CACNA2D3: variants seen among roughly 807,000 people sequenced by gnomAD.
CACNA2D3 encodes calcium voltage-gated channel auxiliary subunit alpha2delta 3.
Under a neutral mutation model 160.6 loss-of-function variants are expected in CACNA2D3, and 60 were observed. That is an observed-to-expected ratio of 0.37 (90% confidence interval 0.30 to 0.46). CACNA2D3 has a LOEUF of 0.46. Ranked by LOEUF, CACNA2D3 falls within the 20% of genes least tolerant of loss-of-function variation. CACNA2D3 has a pLI of 1.00. For missense variants in CACNA2D3, 1,205 were observed against 1,365.0 expected, an observed-to-expected ratio of 0.88 and a Z score of 1.85; for synonymous variants, 558 against 492.9, an observed-to-expected ratio of 1.13 and a Z score of -1.75.
chr3:54,557,458 A>C (rs981107068), intron 5 of CACNA2D3, among the ~76,000 whole-genome samples: 2 of 152,234 alleles, frequency 1.3e-5, no homozygotes, highest in Non-Finnish European at 2.9e-5. Context: ...TTAAGAAAAA[A>C]GAATTGTCAA....
intron 10 of CACNA2D3, among the ~76,000 whole-genome samples, chr3:54,628,428 T>C (rs1273563741): frequency 6.6e-6 from 1 of 152,016 alleles, no homozygotes; most frequent in Non-Finnish European, 1.5e-5. Context: ...AGGAGCCAAA[T>C]TGAGTAGCGT....
chr3:55,074,504 T>C lies in CACNA2D3; in HGVS notation c.*298T>C. On this transcript the variant is annotated 3_prime_UTR_variant, in exon 38 of 38. Transcript: ENST00000474759. ...CAGTGTCCCTTCTGCTTGAAACCTA[T>C]TGAAACCAATTTAAAACTGTGTACT... 3.0e-6 allele frequency: 1 copy of C among 333,476 alleles called. No homozygotes were observed. The highest frequency in any genetic ancestry group is 5.5e-6 in the Non-Finnish European group (1 of 181,002). 20.7% of individuals were successfully genotyped at this position (333,476 alleles called of 1,614,324 possible). A position where few individuals can be genotyped will look rare whatever the true frequency, so the allele number is the denominator to read the frequency against.
chr3:55,038,733 C>A (rs1170396903), intron 35 of CACNA2D3, among the ~76,000 whole-genome samples: 1 of 151,704 alleles, frequency 6.6e-6, no homozygotes, highest in Non-Finnish European at 1.5e-5. Context: ...TAAAACCCAC[C>A]TTGAGAGGCA....
At chr3:54,599,742 G>A (rs1311462424) in intron 9 of CACNA2D3, among the ~76,000 whole-genome samples, 1 of 152,182 alleles carries the variant, frequency 6.6e-6, no homozygotes, top group Non-Finnish European at 1.5e-5. Context: ...GGATTAAACT[G>A]TTGCTTTTGC....
chr3:54,822,090 A>G (rs1424481016), intron 14 of CACNA2D3, among the ~76,000 whole-genome samples: 1 of 152,176 alleles, frequency 6.6e-6, no homozygotes, highest in African/African-American at 2.4e-5. Context: ...TTTGCTTTGC[A>G]TGTAAACTAT....
At chr3:54,196,779 G>A (rs1169068144) in intron 2 of CACNA2D3, among the ~76,000 whole-genome samples, 1 of 152,166 alleles carries the variant, frequency 6.6e-6, no homozygotes. Context: ...TTGCACATGG[G>A]CTCAAGGGGC....
intron 9 of CACNA2D3, among the ~76,000 whole-genome samples, chr3:54,597,428 T>A (rs997722203): frequency 6.6e-6 from 1 of 152,144 alleles, no homozygotes; most frequent in Non-Finnish European, 1.5e-5. Flanking sequence ...CTCTCCCACC[T>A]TCACCCCTGA....
intron 17 of CACNA2D3, among the ~76,000 whole-genome samples, chr3:54,861,011 G>A (rs143261288): frequency 9.2e-5 from 14 of 152,250 alleles, no homozygotes; most frequent in African/African-American, 9.6e-5. Flanking sequence ...CCACTCATTC[G>A]TCACATATTC....
intron 5 of CACNA2D3, among the ~76,000 whole-genome samples, chr3:54,542,348 C>A (rs531267283): frequency 2.1e-4 from 32 of 152,220 alleles, no homozygotes; most frequent in Non-Finnish European, 3.2e-4. Context: ...GTGTGAGCCA[C>A]CACACCCAGC....
At chr3:54,391,558 C>T (rs1038635691) in intron 4 of CACNA2D3, among the ~76,000 whole-genome samples, 3 of 151,260 alleles carry the variant, frequency 2.0e-5, no homozygotes, top group Non-Finnish European at 1.5e-5. Context: ...TCACCCAGAC[C>T]GGAGTGCAGT....
chr3:54,445,555 T>TACACACAC (rs3028897), intron 4 of CACNA2D3, among the ~76,000 whole-genome samples: 27,985 of 146,996 alleles, frequency 0.19, 2,746 homozygotes, highest in East Asian at 0.31. Context: ...TTTCTATGTA[T>TACACACAC]ACACACACAC....
intron 4 of CACNA2D3, among the ~76,000 whole-genome samples, chr3:54,484,036 G>A (rs1423631095): frequency 6.6e-6 from 1 of 152,164 alleles, no homozygotes; most frequent in African/African-American, 2.4e-5. Flanking sequence ...CCTTCAGATG[G>A]TTATGTAATC....
At position 54,428,251 on chromosome 3, in the gene CACNA2D3, G is replaced by A. The variant is rs116170643; in HGVS notation, c.381+41477G>A. On this transcript the variant is annotated intron_variant, in intron 4 of 37. Coordinates refer to ENST00000474759, the MANE Select transcript of CACNA2D3 (RefSeq NM_018398.3). ...ACAGTTAGACTTTCTCAGGTTCTTC[G>A]TAAGCGTGAAACTTGCCAGGTTGAC... is the stretch of plus-strand genomic sequence containing the variant. Among the ~76,000 whole-genome samples, 1,255 of 152,284 alleles carry A rather than the reference G, an allele frequency of 8.2e-3. 10 individuals are homozygous for A. The highest frequency in any genetic ancestry group is 0.037 in the Middle Eastern group (11 of 294).
chr3:54,155,812 C>T (rs1053226039), intron 2 of CACNA2D3, among the ~76,000 whole-genome samples: 2 of 152,280 alleles, frequency 1.3e-5, no homozygotes. Flanking sequence ...GAAGGTCATT[C>T]AGGAGCAGGG....
intron 14 of CACNA2D3, among the ~76,000 whole-genome samples, chr3:54,821,346 G>A (rs1187896754): frequency 1.3e-5 from 2 of 152,160 alleles, no homozygotes; most frequent in Non-Finnish European, 2.9e-5. Context: ...TTTGTTTCCT[G>A]TTAGGAACAG....
chr3:54,162,250 A>G (rs1023152845), intron 2 of CACNA2D3, among the ~76,000 whole-genome samples: 1 of 152,182 alleles, frequency 6.6e-6, no homozygotes, highest in Non-Finnish European at 1.5e-5. Flanking sequence ...TGGTGTGCTC[A>G]TGGATTCTGG....
chr3:54,732,295 C>G (rs912337483), intron 11 of CACNA2D3, among the ~76,000 whole-genome samples: 12 of 152,240 alleles, frequency 7.9e-5, no homozygotes, highest in Non-Finnish European at 1.3e-4. Context: ...CAGGCTACAA[C>G]TTGTGATCCT....
intron 11 of CACNA2D3, among the ~76,000 whole-genome samples, chr3:54,729,998 CAAAA>C (rs56364535): frequency 0.4 from 43,710 of 108,310 alleles, 7,516 homozygotes; most frequent in East Asian, 0.49. Context: ...GACTCCATCT[CAAAA>C]AAAAAAAAAA....
intron 5 of CACNA2D3, among the ~76,000 whole-genome samples, chr3:54,536,279 G>A (rs750283883): frequency 1.2e-4 from 18 of 152,188 alleles, no homozygotes; most frequent in South Asian, 2.1e-4. Context: ...AGAGGTGGTC[G>A]TCCTGGGTCA....
Sources: allele counts gnomAD v4.1 joint callset (sites outside exome capture counted in the v4.1 genomes callset), GRCh38; gene constraint gnomAD v4.1.1; transcripts MANE v1.5; gene names NCBI Gene and HGNC (gene_info 2026-07-23, HGNC 2026-07-21).